Variants in TOMM20 observed in about 807,000 individuals in gnomAD.
TOMM20 encodes mitochondrial import receptor subunit TOM20 homolog.
TOMM20 carries 10 observed loss-of-function variants against 22.1 expected under a neutral mutation model. The ratio of observed to expected loss-of-function variants is 0.45; its 90% confidence interval spans 0.28 to 0.77. TOMM20 has a LOEUF of 0.77. Ranked by LOEUF, TOMM20 falls within the 30% of genes least tolerant of loss-of-function variation. TOMM20 has a pLI of 0.13. For synonymous variants in TOMM20, 55 were observed against 61.4 expected (o/e 0.90, Z 0.49); for missense variants, 121 against 172.2 (o/e 0.70, Z 1.66).
intron 3 of TOMM20, 152 bp from the exon 4 acceptor site, chr1:235,114,062 G>A (rs1660786741): frequency 5.2e-6 from 4 of 767,708 alleles, no homozygotes; most frequent in Non-Finnish European, 7.9e-6. Flanking sequence ...TAACTATTAT[G>A]AAGCTACTAA....
intron 3 of TOMM20, among the ~76,000 whole-genome samples, chr1:235,116,946 TA>T (rs1660840730): frequency 6.7e-6 from 1 of 148,748 alleles, no homozygotes; most frequent in Non-Finnish European, 1.5e-5. Flanking sequence ...CCATCCTGGC[TA>T]ACATGGTGAA....
chr1:235,113,294 T>C (rs1468512991), intron 4 of TOMM20, among the ~76,000 whole-genome samples: 1 of 152,204 alleles, frequency 6.6e-6, no homozygotes, highest in African/African-American at 2.4e-5. Flanking sequence ...AAACTCAAAG[T>C]GCACCTCAGC....
intron 1 of TOMM20, among the ~76,000 whole-genome samples, chr1:235,124,072 C>A (rs1232720021): frequency 6.6e-6 from 1 of 152,254 alleles, no homozygotes; most frequent in African/African-American, 2.4e-5. Flanking sequence ...TACAGCTGGG[C>A]ACAGTGGCTC....
At chr1:235,118,916 C>CA (rs1277886204) in intron 3 of TOMM20, among the ~76,000 whole-genome samples, 3 of 152,082 alleles carry the variant, frequency 2.0e-5, no homozygotes, top group African/African-American at 7.2e-5. Flanking sequence ...CTATTGATAT[C>CA]AAAAAAGTAT....
rs1312790565 is a variant in TOMM20 at position 235,128,813 on chromosome 1, G to T, written c.-98C>A. The T allele has an allele frequency of 6.4e-6, 10 of 1,559,186 alleles. No individual in the cohort carries two copies. Among genetic ancestry groups the T allele is most frequent in the Middle Eastern group, 1.7e-4 (1 of 5,834 alleles). On this transcript the variant is annotated 5_prime_UTR_variant, in exon 1 of 5. Coordinates refer to ENST00000366607, the MANE Select transcript of TOMM20 (RefSeq NM_014765.3). ...GCGGTCGGCGCAGCTCACACCCGAC[G>T]GCCGCGGGCCAGGAACACAGAAAGG...
intron 3 of TOMM20, among the ~76,000 whole-genome samples, chr1:235,117,962 G>T (rs1660862721): frequency 6.6e-6 from 1 of 152,184 alleles, no homozygotes; most frequent in Non-Finnish European, 1.5e-5. Flanking sequence ...TGATGATGTA[G>T]TGATACCCAT....
At chr1:235,125,811 G>A (rs1449562977) in intron 1 of TOMM20, among the ~76,000 whole-genome samples, 1 of 150,330 alleles carries the variant, frequency 6.7e-6, no homozygotes, top group Non-Finnish European at 1.5e-5. Context: ...GTGCAGTGGC[G>A]CCATCTCGGC....
At chr1:235,118,649 C>CT (rs1660875874) in intron 3 of TOMM20, among the ~76,000 whole-genome samples, 1 of 152,190 alleles carries the variant, frequency 6.6e-6, no homozygotes, top group Admixed American at 6.5e-5. Flanking sequence ...ACTTCAGTCT[C>CT]TGAGTAGCTG....
At chr1:235,127,983 C>T (rs757855213) in intron 1 of TOMM20, 2 of 479,688 alleles carry the variant, frequency 4.2e-6, no homozygotes, top group Non-Finnish European at 8.3e-6. Flanking sequence ...CGAGACTAGC[C>T]TGACCAACAC....
chr1:235,118,883 T>C (rs1558129171), intron 3 of TOMM20, among the ~76,000 whole-genome samples: 1 of 152,192 alleles, frequency 6.6e-6, no homozygotes, highest in Non-Finnish European at 1.5e-5. Context: ...TGTGACTCTT[T>C]AGGTCAAATT....
intron 2 of TOMM20, among the ~76,000 whole-genome samples, chr1:235,121,066 A>T (rs560348314): frequency 2.2e-4 from 33 of 151,888 alleles, no homozygotes; most frequent in African/African-American, 7.5e-4. Context: ...GGGCATGGTG[A>T]CATGCACCTG....
chr1:235,126,698 G>A (rs1042843135), intron 1 of TOMM20, among the ~76,000 whole-genome samples: 5 of 151,942 alleles, frequency 3.3e-5, no homozygotes, highest in East Asian at 1.9e-4. Context: ...AGCTACTCAG[G>A]AGGCTGAGGC....
chr1:235,115,604 G>T (rs1660815131), intron 3 of TOMM20, among the ~76,000 whole-genome samples: 1 of 152,160 alleles, frequency 6.6e-6, no homozygotes, highest in Admixed American at 6.5e-5. Context: ...TCCAGCCTGG[G>T]CGACAGAGCG....
At chr1:235,114,631 G>A (rs922385096) in intron 3 of TOMM20, among the ~76,000 whole-genome samples, 6 of 151,636 alleles carry the variant, frequency 4.0e-5, no homozygotes, top group Non-Finnish European at 5.9e-5. Flanking sequence ...TAGAGACGAG[G>A]TTTCACCGTG....
Position 235,124,042 on chromosome 1 carries a change from CACA to C in TOMM20, c.122-1673_122-1671del, listed in dbSNP as rs1235448128. ...AATGTTTATTAGCTTATTTAATCCTCACAACAACATTAAAAGAATTACAGCTGG... is the reference window on the plus strand; with the variant it reads ...AATGTTTATTAGCTTATTTAATCCTCACAACATTAAAAGAATTACAGCTGG... On this transcript the variant is annotated intron_variant, in intron 1 of 4. Coordinates refer to ENST00000366607, the MANE Select transcript of TOMM20 (RefSeq NM_014765.3). 3.3e-5 allele frequency among the ~76,000 whole-genome samples: 5 copies of C among 152,224 alleles called. No individual in the cohort carries two copies. The East Asian group carries it at 5.8e-4, about 18-fold the overall frequency.
chr1:235,113,018 T>G (rs1251521869), intron 4 of TOMM20, among the ~76,000 whole-genome samples: 1 of 152,178 alleles, frequency 6.6e-6, no homozygotes, highest in Non-Finnish European at 1.5e-5. Context: ...TTTGAAAAAT[T>G]AACCAGTCAG....
chr1:235,128,832 A>C lies in TOMM20; in HGVS notation c.-117T>G, dbSNP rs552002423. The C allele has an allele frequency of 1.3e-6, 2 of 1,509,368 alleles. No individual in the cohort carries two copies. The highest frequency in any genetic ancestry group is 1.8e-6 in the Non-Finnish European group (2 of 1,121,912). 93.5% of individuals were successfully genotyped at this position (1,509,368 alleles called of 1,614,324 possible). On this transcript the variant is annotated 5_prime_UTR_variant, in exon 1 of 5. Coordinates refer to ENST00000366607, the MANE Select transcript of TOMM20 (RefSeq NM_014765.3). ...CCCGACGGCCGCGGGCCAGGAACAC[A>C]GAAAGGCCGAGCACACGCCACTTCC...
chr1:235,119,232 A>G (rs1660886843), intron 3 of TOMM20: 2 of 152,232 alleles, frequency 1.3e-5, no homozygotes, highest in African/African-American at 4.8e-5. Flanking sequence ...TATTTTTTAG[A>G]AACTTCTTAG....
intron 2 of TOMM20, 39 bp from the exon 3 acceptor site, chr1:235,119,938 G>T (rs1015158151): frequency 1.5e-6 from 2 of 1,376,884 alleles, no homozygotes; most frequent in African/African-American, 2.9e-5. Flanking sequence ...CCACAATTAT[G>T]CCAGGGGATA....
Sources: gnomAD v4.1 joint callset for allele counts (sites outside exome capture counted in the v4.1 genomes callset) on GRCh38, gnomAD v4.1.1 for gene constraint, MANE v1.5 for transcripts, NCBI Gene and HGNC (gene_info 2026-07-23, HGNC 2026-07-21) for gene names.